The following HAUS6 variants were observed in gnomAD, a reference collection of about 807,000 sequenced individuals.
HAUS6 encodes the protein HAUS augmin-like complex subunit 6.
HAUS6 carries 80 observed loss-of-function variants against 106.8 expected under a neutral mutation model. That is an observed-to-expected ratio of 0.75 (90% CI 0.63 to 0.90). HAUS6 has a LOEUF of 0.90. HAUS6 is among the 40% of genes least tolerant of loss of function. The pLI is 0.00. For missense variants in HAUS6, 1,155 were observed against 1,118.1 expected, an observed-to-expected ratio of 1.03 and a Z score of -0.47; for synonymous variants, 356 against 379.1, an observed-to-expected ratio of 0.94 and a Z score of 0.71.
At chr9:19,059,172 A>C (rs990316754) in intron 15 of HAUS6, among the ~76,000 whole-genome samples, 171 bp from the exon 16 acceptor site, 4 of 152,214 alleles carry the variant, frequency 2.6e-5, no homozygotes, top group African/African-American at 9.7e-5. Flanking sequence ...ACATCGAAGA[A>C]CCCCATCTCC....
At chr9:19,101,597 G>C (rs551342122) in intron 1 of HAUS6, among the ~76,000 whole-genome samples, 1 of 152,018 alleles carries the variant, frequency 6.6e-6, no homozygotes, top group Non-Finnish European at 1.5e-5. Flanking sequence ...GGGCAACATG[G>C]TTAGCTACTG....
At chr9:19,068,067 TC>T (rs1391797987) in intron 12 of HAUS6, among the ~76,000 whole-genome samples, 1 of 151,694 alleles carries the variant, frequency 6.6e-6, no homozygotes, top group Non-Finnish European at 1.5e-5. Context: ...TAATCTAGTA[TC>T]CCTATCAATC....
At chr9:19,061,023 G>T (rs1227271296) in intron 14 of HAUS6, among the ~76,000 whole-genome samples, 1 of 152,190 alleles carries the variant, frequency 6.6e-6, no homozygotes, top group Non-Finnish European at 1.5e-5. Context: ...AATTAGCTGG[G>T]CATGGTGGCG....
intron 12 of HAUS6, among the ~76,000 whole-genome samples, chr9:19,068,098 T>C (rs192043072): frequency 3.9e-5 from 6 of 152,010 alleles, no homozygotes; most frequent in Non-Finnish European, 5.9e-5. Context: ...GCAAAACACC[T>C]TAATCAAAAT....
intron 7 of HAUS6, among the ~76,000 whole-genome samples, chr9:19,085,137 T>G (rs1161043282): frequency 6.6e-6 from 1 of 152,144 alleles, no homozygotes; most frequent in East Asian, 1.9e-4. Flanking sequence ...AAAGGAAGAC[T>G]CATTGGCTAG....
intron 1 of HAUS6, among the ~76,000 whole-genome samples, chr9:19,099,653 G>A (rs76352277): frequency 0.035 from 5,289 of 152,168 alleles, 114 homozygotes; most frequent in Non-Finnish European, 0.051. Flanking sequence ...TAAGAGACAG[G>A]GTCTCACTAT....
At chr9:19,069,905 C>G (rs1836851826) in intron 12 of HAUS6, among the ~76,000 whole-genome samples, 1 of 152,110 alleles carries the variant, frequency 6.6e-6, no homozygotes, top group Admixed American at 6.5e-5. Context: ...AGACTAGCCT[C>G]TGCAACCCAG....
At position 19,102,672 on chromosome 9, in the gene HAUS6, C is replaced by G; in HGVS notation, c.-21G>C. ...CTCATCCTCGCGGTAGGCACGGTGG[C>G]TGCAAAGAAAGAAAGCGCAAGCCCA... On this transcript the variant is annotated 5_prime_UTR_variant, in exon 1 of 17. Coordinates refer to ENST00000380502, the MANE Select transcript of HAUS6 (RefSeq NM_017645.5). The G allele has an allele frequency of 6.2e-7, 1 of 1,606,374 alleles. No individual in the cohort carries two copies. Among genetic ancestry groups the G allele is most frequent in the Non-Finnish European group, 8.5e-7 (1 of 1,176,046 alleles).
At chr9:19,061,699 G>A (rs1266651708) in intron 14 of HAUS6, among the ~76,000 whole-genome samples, 1 of 152,204 alleles carries the variant, frequency 6.6e-6, no homozygotes, top group Admixed American at 6.5e-5. Context: ...GCCAGGCAAA[G>A]TGGTGCACGC....
intron 12 of HAUS6, among the ~76,000 whole-genome samples, chr9:19,069,899 T>C (rs999209101): frequency 6.6e-6 from 1 of 152,160 alleles, no homozygotes; most frequent in Non-Finnish European, 1.5e-5. Flanking sequence ...AGTTAAAGAC[T>C]AGCCTCTGCA....
intron 4 of HAUS6, 128 bp from the exon 5 acceptor site, chr9:19,089,687 T>G: frequency 1.7e-6 from 1 of 586,954 alleles, no homozygotes; most frequent in Non-Finnish European, 2.8e-6. Context: ...GATTGACTTT[T>G]AAAAAAAGGA....
In HAUS6 at chr9:19,079,756, A is replaced by T. The variant is rs538603092; in HGVS notation, c.1064+723T>A. ...CATCCCTACTAAAAATACAAAAATT[A>T]GCCAGGCGTGATGGCGCGTGCCTGT... is the stretch of plus-strand genomic sequence containing the variant. On this transcript the variant is annotated intron_variant, in intron 9 of 16. Coordinates refer to ENST00000380502, the MANE Select transcript of HAUS6 (RefSeq NM_017645.5). Among the ~76,000 whole-genome samples the T allele has an allele frequency of 1.7e-4, 26 of 151,622 alleles. No individual in the cohort carries two copies. In the South Asian group the frequency reaches 5.2e-3, roughly 30 times the overall value.
At chr9:19,073,182 C>G (rs1431864564) in intron 11 of HAUS6, among the ~76,000 whole-genome samples, 1 of 151,888 alleles carries the variant, frequency 6.6e-6, no homozygotes, top group Admixed American at 6.6e-5. Flanking sequence ...TACATATGTA[C>G]CTTTTAAAAA....
Position 19,063,586 on chromosome 9 carries a change from A to T in HAUS6, c.1377-6T>A, listed in dbSNP as rs745718302. The T allele has an allele frequency of 6.3e-6, 10 of 1,594,340 alleles. No homozygotes were observed. In the Admixed American group the frequency reaches 1.3e-4, roughly 21 times the overall value. ...GCGACAAGAAAGAGGCAGGGCTAAA[A>T]GGAAAAAAGACAACAAATCCAAGTT... is the stretch of plus-strand genomic sequence containing the variant. On this transcript the variant is annotated splice_polypyrimidine_tract_variant and splice_region_variant and intron_variant, in intron 12 of 16. Coordinates refer to ENST00000380502, the MANE Select transcript of HAUS6 (RefSeq NM_017645.5).
chr9:19,098,127 T>G (rs772767831), intron 1 of HAUS6, among the ~76,000 whole-genome samples: 2 of 152,210 alleles, frequency 1.3e-5, no homozygotes, highest in African/African-American at 4.8e-5. Context: ...TGTTGAAGAT[T>G]TGTTCCATCG....
intron 12 of HAUS6, among the ~76,000 whole-genome samples, chr9:19,063,970 AT>A (rs34187338): frequency 7.2e-4 from 98 of 135,714 alleles, no homozygotes; most frequent in Admixed American, 7.2e-4. Flanking sequence ...CCTTTATTTT[AT>A]TTTTTTTTTT....
chr9:19,101,574 T>C lies in HAUS6; in HGVS notation c.128+950A>G, dbSNP rs146054747. The stretch of plus-strand genomic sequence containing the variant: ...GGAGGATTGCTTGAGCCCAGGAATT[T>C]TGAGACCAGCCTGGGCAACATGGTT... On this transcript the variant is annotated intron_variant, in intron 1 of 16. Transcript: ENST00000380502. Among the ~76,000 whole-genome samples the C allele has an allele frequency of 3.2e-4, 49 of 152,098 alleles. No individual in the cohort carries two copies. In the East Asian group the frequency reaches 8.5e-3, roughly 26 times the overall value.
At chr9:19,080,699 T>C (rs1374908210) in intron 8 of HAUS6, 27 bp from the exon 9 acceptor site, 2 of 1,366,710 alleles carry the variant, frequency 1.5e-6, no homozygotes, top group African/African-American at 1.4e-5. Flanking sequence ...AGAAAAAAAT[T>C]GGTGAACTAT....
chr9:19,087,152 A>G lies in HAUS6; in HGVS notation c.589T>C (p.Ser197Pro). 6.8e-7 allele frequency: 1 copy of G among 1,476,402 alleles called. No individual in the cohort carries two copies. The highest frequency in any genetic ancestry group is 9.5e-7 in the Non-Finnish European group (1 of 1,055,260). 91.5% of individuals were successfully genotyped at this position (1,476,402 alleles called of 1,614,324 possible). A position where few individuals can be genotyped will look rare whatever the true frequency, so the allele number is the denominator to read the frequency against. Residue 197 changes from serine to proline, a missense_variant, in exon 6 of 17, where the codon TCA becomes CCA. This residue lies in a region of HAUS6 where 761 missense variants were observed against 690.0 expected (regional missense o/e 1.10). Coordinates refer to ENST00000380502, the MANE Select transcript of HAUS6 (RefSeq NM_017645.5). The part of the protein sequence containing the change: ...TQKYQENAQL[S>P]VKQVRNLRSE... ...CTCAAGTTTCGTACCTGCTTAACTG[A>G]TAATCTGCAAGAAAACATACAAAAT...
Sources: gnomAD v4.1 joint callset for allele counts (sites outside exome capture counted in the v4.1 genomes callset) on GRCh38, gnomAD v4.1.1 for gene constraint, gnomAD v4.1.1 regional missense constraint, MANE v1.5 for transcripts, NCBI Gene and HGNC (gene_info 2026-07-23, HGNC 2026-07-21) for gene names.